Variants in DMD observed in about 807,000 individuals in gnomAD.
DMD encodes the protein dystrophin, also known as mutant dystrophin.
In DMD, 63 loss-of-function variants were observed where a neutral mutation model predicts 330.1. The observed-to-expected ratio is 0.19, with a 90% confidence interval of 0.16 to 0.24. The LOEUF is 0.24. DMD is among the 10% of genes least tolerant of loss of function. The pLI is 1.00. For synonymous variants in DMD, 1,223 were observed against 959.8 expected, an observed-to-expected ratio of 1.27 and a Z score of -5.07; for missense variants, 3,344 against 2,684.1, an observed-to-expected ratio of 1.25 and a Z score of -5.43.
chrX:32,626,361 A>G (rs748465465), intron 11 of DMD, among the ~76,000 whole-genome samples: 11 of 95,932 alleles, frequency 1.1e-4, no homozygotes, highest in Non-Finnish European at 1.7e-4. Context: ...CCGGCTACTC[A>G]GGAGGCTGAG....
intron 37 of DMD, among the ~76,000 whole-genome samples, chrX:32,361,880 AT>A (rs1052216275): frequency 3.6e-5 from 4 of 111,247 alleles, no homozygotes; most frequent in African/African-American, 1.3e-4. Context: ...ACATATATTG[AT>A]TTTATATACA....
intron 7 of DMD, among the ~76,000 whole-genome samples, chrX:32,763,712 C>A: frequency 8.9e-6 from 1 of 111,955 alleles, no homozygotes. Context: ...ACCTTGATAT[C>A]TTTCAGAATC....
At chrX:32,462,223 C>G (rs1287461313) in intron 25 of DMD, among the ~76,000 whole-genome samples, 1 of 111,111 alleles carries the variant, frequency 9.0e-6, no homozygotes, top group Non-Finnish European at 1.9e-5. Flanking sequence ...TCATACATAC[C>G]TATAAAATTT....
intron 44 of DMD, among the ~76,000 whole-genome samples, chrX:32,172,485 C>A (rs754064005): frequency 9.0e-6 from 1 of 111,478 alleles, no homozygotes; most frequent in Non-Finnish European, 1.9e-5. Context: ...GATTGAAATG[C>A]CCTCCCTCTC....
At chrX:32,662,815 C>T (rs1421470750) in intron 9 of DMD, among the ~76,000 whole-genome samples, 1 of 111,744 alleles carries the variant, frequency 8.9e-6, no homozygotes, top group African/African-American at 3.2e-5. Context: ...ATATACAGAA[C>T]AGCATTTAGA....
intron 13 of DMD, among the ~76,000 whole-genome samples, chrX:32,576,570 A>G (rs140383058): frequency 0.068 from 7,521 of 110,451 alleles, 263 homozygotes; most frequent in Middle Eastern, 0.11. Context: ...CCTGGGTGAG[A>G]CAGAGGTGGG....
chrX:31,891,795 T>C (rs371871108), intron 47 of DMD, among the ~76,000 whole-genome samples: 249 of 111,527 alleles, frequency 2.2e-3, no homozygotes, highest in Middle Eastern at 0.018. Context: ...GTTCAAGGAG[T>C]TGTGGCCCAA....
chrX:31,657,426 G>T (rs989012439), intron 54 of DMD, among the ~76,000 whole-genome samples: 3 of 111,842 alleles, frequency 2.7e-5, no homozygotes, highest in African/African-American at 9.8e-5. Flanking sequence ...AAGCACTAGA[G>T]ATCAAGAGAG....
intron 50 of DMD, among the ~76,000 whole-genome samples, chrX:31,777,653 G>A (rs900554473): frequency 9.0e-6 from 1 of 110,957 alleles, no homozygotes; most frequent in African/African-American, 3.3e-5. Context: ...GGCATCTTGA[G>A]GTAAGGAATT....
At chrX:33,047,786 C>G in intron 1 of DMD, among the ~76,000 whole-genome samples, 1 of 111,759 alleles carries the variant, frequency 8.9e-6, no homozygotes, top group Non-Finnish European at 1.9e-5. Context: ...TCAGAATTAC[C>G]TGCTTCTCCT....
chrX:32,666,506 C>T (rs1021637366), intron 9 of DMD, among the ~76,000 whole-genome samples: 2 of 110,884 alleles, frequency 1.8e-5, no homozygotes, highest in Non-Finnish European at 3.8e-5. Flanking sequence ...TGGTTTCCAG[C>T]TCCATCCATG....
intron 45 of DMD, among the ~76,000 whole-genome samples, chrX:31,939,945 T>C (rs1477716719): frequency 9.0e-6 from 1 of 111,480 alleles, no homozygotes; most frequent in Non-Finnish European, 1.9e-5. Flanking sequence ...TGCCACCAGA[T>C]GAGACTACTT....
chrX:32,183,577 T>TAA (rs200576005), intron 44 of DMD, among the ~76,000 whole-genome samples: 20,788 of 97,650 alleles, frequency 0.21, 2,471 homozygotes, highest in Admixed American at 0.37. Flanking sequence ...TATAAATATA[T>TAA]ATATATATAT....
At chrX:31,764,749 T>C (rs930596401) in intron 51 of DMD, among the ~76,000 whole-genome samples, 2 of 111,723 alleles carry the variant, frequency 1.8e-5, no homozygotes, top group African/African-American at 6.5e-5. Context: ...GCTTCCATAA[T>C]TGAAGAGAGA....
At chrX:32,097,084 T>C (rs2096512661) in intron 44 of DMD, among the ~76,000 whole-genome samples, 1 of 111,512 alleles carries the variant, frequency 9.0e-6, no homozygotes, top group African/African-American at 3.3e-5. Context: ...TACAGTTCTT[T>C]TTTTAAAGTT....
At chrX:31,767,947 GA>G (rs1328122576) in intron 51 of DMD, among the ~76,000 whole-genome samples, 1 of 111,772 alleles carries the variant, frequency 8.9e-6, no homozygotes, top group African/African-American at 3.2e-5. Flanking sequence ...TCAATTTTTA[GA>G]TAATGAAATC....
chrX:31,479,209 ATC>A, intron 57 of DMD, 106 bp from the exon 58 acceptor site: 1 of 923,239 alleles, frequency 1.1e-6, no homozygotes, highest in South Asian at 2.1e-5. Flanking sequence ...GTCAATTTCT[ATC>A]TCTTTTATTT....
At chrX:32,678,915 T>C (rs1017561602) in intron 9 of DMD, among the ~76,000 whole-genome samples, 2 of 111,747 alleles carry the variant, frequency 1.8e-5, no homozygotes, top group African/African-American at 6.5e-5. Context: ...CATGTAAATA[T>C]AAAAATTTAA....
intron 43 of DMD, among the ~76,000 whole-genome samples, chrX:32,258,003 G>A (rs1294244765): frequency 9.1e-6 from 1 of 109,324 alleles, no homozygotes; most frequent in African/African-American, 3.3e-5. Context: ...AGTGGGCTAA[G>A]GATATGAACA....
Sources: gnomAD v4.1 joint callset for allele counts (sites outside exome capture counted in the v4.1 genomes callset) on GRCh38, gnomAD v4.1.1 for gene constraint, MANE v1.5 for transcripts, NCBI Gene and HGNC (gene_info 2026-07-23, HGNC 2026-07-21) for gene names.